IGLL1: variants seen among roughly 807,000 people sequenced by gnomAD.
IGLL1 encodes the protein immunoglobulin lambda like polypeptide 1.
A neutral mutation model predicts 10.5 loss-of-function variants in IGLL1; 10 were observed. The observed-to-expected ratio is 0.95, with a 90% CI of 0.59 to 1.62. IGLL1 has a LOEUF of 1.62. Among genes scored for constraint, IGLL1 ranks in the 40% most tolerant of loss-of-function variants. The pLI is 0.00. For missense variants in IGLL1, 284 were observed against 278.7 expected (o/e 1.02, Z -0.14); for synonymous variants, 141 against 122.7 (o/e 1.15, Z -0.99).
At chr22:23,579,332 G>A (rs1925219291) in intron 1 of IGLL1, among the ~76,000 whole-genome samples, 1 of 152,216 alleles carries the variant, frequency 6.6e-6, no homozygotes, top group South Asian at 2.1e-4. Flanking sequence ...CACACGCAGA[G>A]TGGTGGCAAT....
chr22:23,576,917 C>G (rs1424699625), intron 1 of IGLL1, among the ~76,000 whole-genome samples: 7 of 152,124 alleles, frequency 4.6e-5, no homozygotes, highest in African/African-American at 1.2e-4. Context: ...TCCCCCTCAC[C>G]CTGCTAACCT....
Position 23,580,149 on chromosome 22 carries a change from AC to A in IGLL1, c.41del (p.Gly14ValfsTer21). On this transcript the variant is annotated frameshift_variant, in exon 1 of 3. Coordinates refer to ENST00000330377, the MANE Select transcript of IGLL1 (RefSeq NM_020070.4). LOFTEE classifies it high-confidence loss of function. Reference protein sequence around the residue: ...GTGQGGLEAPGEPGPNLRQRW... With the variant: ...GTGQGGLEAPXEPGPNLRQRW... ...GCTGCCTGAGGTTGGGGCCTGGCTC[AC>A]CAGGGGCCTCAAGGCCCCCCTGGCC... 6.4e-7 allele frequency: 1 copy of A among 1,553,316 alleles called. No individual in the cohort carries two copies. Among genetic ancestry groups the A allele is most frequent in the South Asian group, 1.2e-5 (1 of 84,668 alleles).
intron 2 of IGLL1, among the ~76,000 whole-genome samples, chr22:23,574,082 G>T (rs377218473): frequency 6.6e-6 from 1 of 150,878 alleles, no homozygotes; most frequent in South Asian, 2.1e-4. Flanking sequence ...GGGCTCTGCC[G>T]TCGCCCCTGT....
rs1474663570 is a variant in IGLL1, at chr22:23,580,237, C to A, written c.-47G>T. ...CTTGTGGCCTGACTTGCAGTGTGGG[C>A]TCCCTAGAGAGTGGTGCCCTGGTCC... On this transcript the variant is annotated 5_prime_UTR_variant, in exon 1 of 3. Transcript: ENST00000330377. 1.3e-6 allele frequency: 2 copies of A among 1,534,436 alleles called. No homozygotes were observed. The highest frequency in any genetic ancestry group is 1.2e-5 in the South Asian group (1 of 83,972).
At chr22:23,574,148 C>A (rs878915210) in intron 2 of IGLL1, among the ~76,000 whole-genome samples, 4,905 of 120,304 alleles carry the variant, frequency 0.041, 481 homozygotes, top group African/African-American at 0.13. Context: ...GGGGCTGCTC[C>A]CCCAGACTTT....
intron 2 of IGLL1, among the ~76,000 whole-genome samples, chr22:23,574,563 G>T (rs758111685): frequency 6.6e-6 from 1 of 152,166 alleles, no homozygotes; most frequent in South Asian, 2.1e-4. Flanking sequence ...AGGCCCCCGT[G>T]TGGCCCTCCC....
At position 23,574,009 on chromosome 22, in the gene IGLL1, G is replaced by A. The variant is rs112059853; in HGVS notation, c.323-424C>T. On this transcript the variant is annotated intron_variant, in intron 2 of 2. Transcript: ENST00000330377. ...TTCCCATCCCCTGGGGCACCAGGCTGTGCCCCAGCCTGGCCCACTCAGCTC... is the reference window on the plus strand; with the variant it reads ...TTCCCATCCCCTGGGGCACCAGGCTATGCCCCAGCCTGGCCCACTCAGCTC... 4.1e-3 allele frequency among the ~76,000 whole-genome samples: 618 copies of A among 151,670 alleles called. 6 individuals carry two copies. The highest frequency in any genetic ancestry group is 0.011 in the African/African-American group (462 of 41,076).
chr22:23,579,319 C>CA (rs1166894690), intron 1 of IGLL1, among the ~76,000 whole-genome samples: 2 of 152,180 alleles, frequency 1.3e-5, no homozygotes, highest in Non-Finnish European at 1.5e-5. Flanking sequence ...GGGGACCTCC[C>CA]ACCACACGCA....
At position 23,573,362 on chromosome 22, in the gene IGLL1, C is replaced by G. The variant is rs146592375; in HGVS notation, c.546G>C (p.Thr182=). 9.0e-5 allele frequency: 145 copies of G among 1,614,122 alleles called. 1 individual carries two copies. In the African/African-American group the frequency reaches 1.5e-3, roughly 16 times the overall value. ...KYAASSYLSL[T]PEQWRSRRSY... Reference sequence around the variant, plus strand: ...TTCTGCGGGACCTCCACTGCTCGGGCGTCAGGCTCAGGTAGCTGCTGGCCG... The same window carrying G: ...TTCTGCGGGACCTCCACTGCTCGGGGGTCAGGCTCAGGTAGCTGCTGGCCG... The change falls in exon 3 of 3, where the codon ACG becomes ACC. Residue 182 remains threonine (T), a synonymous_variant. Transcript: ENST00000330377.
rs1924983164 is a variant in IGLL1, at chr22:23,574,971, A to G, written c.318T>C (p.Val106=). ...HVFGSGTQLT[V]LSQPKATPSV... is the part of the protein sequence containing the mutation. ...TGGGAAGTTAGAGCCACTTACTTAAAACGGTGAGCTGGGTCCCGCTGCCAA... is the reference window on the plus strand; with the variant it reads ...TGGGAAGTTAGAGCCACTTACTTAAGACGGTGAGCTGGGTCCCGCTGCCAA... The change falls in exon 2 of 3, where the codon GTT becomes GTC. Residue 106 remains valine, a synonymous_variant. Transcript: ENST00000330377. The G allele has an allele frequency of 6.2e-7, 1 of 1,610,296 alleles. No homozygotes were observed. Among genetic ancestry groups the G allele is most frequent in the African/African-American group, 1.3e-5 (1 of 74,832 alleles).
rs976752760 is a variant in IGLL1 at position 23,576,243 on chromosome 22, C to G, written c.207-1161G>C. On this transcript the variant is annotated intron_variant, in intron 1 of 2. Transcript: ENST00000330377. Reference sequence around the variant, plus strand: ...GGACTCAGTCACCTCGCCTCCCACACTGAAATGGCTTCTGCGAACTTAGCT... The same window carrying G: ...GGACTCAGTCACCTCGCCTCCCACAGTGAAATGGCTTCTGCGAACTTAGCT... 3.3e-5 allele frequency among the ~76,000 whole-genome samples: 5 copies of G among 151,244 alleles called. No individual in the cohort carries two copies. The Admixed American group carries it at 3.3e-4, about 10-fold the overall frequency.
rs976365477 is a variant in IGLL1, at chr22:23,573,150, A to G, written c.*116T>C. ...TTTCTGGTTGACAAAGAGGGTATTT[A>G]TTTAGGGTTTACTGGGTACAGGGAG... On this transcript the variant is annotated 3_prime_UTR_variant, in exon 3 of 3. Transcript: ENST00000330377. 2.3e-6 allele frequency: 2 copies of G among 886,838 alleles called. No homozygotes were observed. The highest frequency in any genetic ancestry group is 1.8e-6 in the Non-Finnish European group (1 of 548,626). 54.9% of individuals were successfully genotyped at this position (886,838 alleles called of 1,614,324 possible).
At chr22:23,578,384 T>C (rs1925165177) in intron 1 of IGLL1, among the ~76,000 whole-genome samples, 1 of 152,070 alleles carries the variant, frequency 6.6e-6, no homozygotes, top group Admixed American at 6.6e-5. Flanking sequence ...CGGCCCCCGC[T>C]CCTTGTGGAC....
intron 1 of IGLL1, among the ~76,000 whole-genome samples, chr22:23,579,586 A>G (rs1490910391): frequency 2.3e-4 from 31 of 134,580 alleles, no homozygotes; most frequent in East Asian, 9.4e-4. Context: ...AGGGGAAAAG[A>G]GGAGGGGGGG....
intron 2 of IGLL1, 76 bp downstream of exon 2, chr22:23,574,891 G>T: frequency 1.0e-6 from 1 of 1,004,862 alleles, no homozygotes; most frequent in East Asian, 2.5e-5. Context: ...CAGAGGGGAA[G>T]AAGCCCCAGA....
Position 23,575,158 on chromosome 22 carries a change from C to T in IGLL1, c.207-76G>A, listed in dbSNP as rs529272944. 9.9e-5 allele frequency: 98 copies of T among 985,354 alleles called. No homozygotes were observed. In the South Asian group the frequency reaches 1.1e-3, roughly 11 times the overall value. The allele number at this position is 985,354 out of a possible 1,614,324, so 61.0% of individuals were successfully genotyped here. ...CACAGGGTAGGGGGGTGGCCAGTGTCCCAGTAGTGTCCCCCAGTAGTGTCT... is the reference window on the plus strand; with the variant it reads ...CACAGGGTAGGGGGGTGGCCAGTGTTCCAGTAGTGTCCCCCAGTAGTGTCT... On this transcript the variant is annotated intron_variant, in intron 1 of 2. Transcript: ENST00000330377.
intron 1 of IGLL1, among the ~76,000 whole-genome samples, chr22:23,578,540 G>A (rs984326525): frequency 2.0e-5 from 3 of 152,160 alleles, no homozygotes; most frequent in African/African-American, 7.2e-5. Flanking sequence ...TCCATGGCCG[G>A]GCTCCTGGTG....
At chr22:23,578,938 C>A (rs1374046009) in intron 1 of IGLL1, among the ~76,000 whole-genome samples, 1 of 151,536 alleles carries the variant, frequency 6.6e-6, no homozygotes, top group Non-Finnish European at 1.5e-5. Flanking sequence ...CCAGACTGGG[C>A]GACAAGAGTG....
At chr22:23,577,112 C>T (rs1310570330) in intron 1 of IGLL1, among the ~76,000 whole-genome samples, 1 of 152,092 alleles carries the variant, frequency 6.6e-6, no homozygotes, top group East Asian at 1.9e-4. Context: ...CCTATTAAGA[C>T]CTATTAAAAA....
Sources: allele counts gnomAD v4.1 joint callset (sites outside exome capture counted in the v4.1 genomes callset), GRCh38; gene constraint gnomAD v4.1.1; transcripts MANE v1.5; gene names NCBI Gene and HGNC (gene_info 2026-07-23, HGNC 2026-07-21).